PPARGC1A: variants seen among roughly 807,000 people sequenced by gnomAD.
PPARGC1A encodes the protein PPARG coactivator 1 alpha.
PPARGC1A carries 25 observed loss-of-function variants against 88.7 expected under a neutral mutation model. The observed-to-expected ratio is 0.28, with a 90% CI of 0.21 to 0.39. The LOEUF is 0.39. Among genes scored for constraint, PPARGC1A ranks in the 10% least tolerant of loss-of-function variants. The pLI is 1.00. For missense variants in PPARGC1A, 880 were observed against 968.7 expected (o/e 0.91, Z 1.22); for synonymous variants, 363 against 355.6 (o/e 1.02, Z -0.24).
the PPARGC1A span, among the ~76,000 whole-genome samples, chr4:24,085,858 T>A: frequency 1.6e-4 from 24 of 152,294 alleles, no homozygotes; most frequent in South Asian, 4.2e-3. Flanking sequence ...CTCAGTCTCA[T>A]GTAATAATTA....
the PPARGC1A span, among the ~76,000 whole-genome samples, chr4:24,283,011 G>T: frequency 6.6e-6 from 1 of 152,068 alleles, no homozygotes; most frequent in Non-Finnish European, 1.5e-5. Flanking sequence ...CAATAATACG[G>T]CAGTTACTTC....
chr4:24,132,226 C>T, the PPARGC1A span, among the ~76,000 whole-genome samples: 2 of 151,936 alleles, frequency 1.3e-5, no homozygotes, highest in Non-Finnish European at 2.9e-5. Flanking sequence ...AATTTATTCC[C>T]TATTCTTTAT....
chr4:24,121,323 A>T, the PPARGC1A span, among the ~76,000 whole-genome samples: 1 of 152,176 alleles, frequency 6.6e-6, no homozygotes, highest in East Asian at 1.9e-4. Flanking sequence ...GAACACCGCC[A>T]ACCCTGCCCT....
chr4:24,311,407 G>C, the PPARGC1A span, among the ~76,000 whole-genome samples: 2 of 149,720 alleles, frequency 1.3e-5, no homozygotes, highest in African/African-American at 4.9e-5. Context: ...GGTCTTGGCC[G>C]GGTGGATCAC....
intron 2 of PPARGC1A, among the ~76,000 whole-genome samples, chr4:23,859,766 G>A (rs1020689538): frequency 1.4e-5 from 2 of 146,272 alleles, no homozygotes; most frequent in African/African-American, 5.1e-5. Context: ...GGGAGAGAGT[G>A]CAAGACACCG....
the PPARGC1A span, among the ~76,000 whole-genome samples, chr4:24,205,332 A>G: frequency 6.6e-6 from 1 of 152,140 alleles, no homozygotes; most frequent in South Asian, 2.1e-4. Flanking sequence ...ATAAGAGCTC[A>G]ATATATACTT....
the PPARGC1A span, among the ~76,000 whole-genome samples, chr4:24,182,898 G>T: frequency 6.6e-6 from 1 of 152,158 alleles, no homozygotes; most frequent in Non-Finnish European, 1.5e-5. Context: ...AACACACCAG[G>T]CTGTCCTGCG....
chr4:24,306,423 A>C, the PPARGC1A span, among the ~76,000 whole-genome samples: 6 of 152,226 alleles, frequency 3.9e-5, no homozygotes, highest in Admixed American at 3.3e-4. Flanking sequence ...AGACAGAAGC[A>C]GATGACTAAA....
upstream of PPARGC1A, among the ~76,000 whole-genome samples, chr4:23,900,353 G>A (rs1182102093): frequency 3.9e-5 from 6 of 152,158 alleles, no homozygotes; most frequent in Non-Finnish European, 8.8e-5. Context: ...TGGACTTTGG[G>A]GTCAGACAAT....
At chr4:24,218,985 C>T in the PPARGC1A span, among the ~76,000 whole-genome samples, 48 of 152,344 alleles carry the variant, frequency 3.2e-4, no homozygotes, top group East Asian at 6.6e-3. Flanking sequence ...CCAGTACAAT[C>T]ACCAAGTACA....
chr4:23,948,301 T>A, the PPARGC1A span, among the ~76,000 whole-genome samples: 1 of 152,120 alleles, frequency 6.6e-6, no homozygotes, highest in Non-Finnish European at 1.5e-5. Flanking sequence ...ATATTAATTT[T>A]CTTCTATGTA....
the PPARGC1A span, among the ~76,000 whole-genome samples, chr4:24,437,328 G>A: frequency 6.6e-6 from 1 of 152,174 alleles, no homozygotes; most frequent in Non-Finnish European, 1.5e-5. Context: ...ACGTTAGCTG[G>A]GGTGGTCAGG....
chr4:24,251,590 T>C, the PPARGC1A span, among the ~76,000 whole-genome samples: 6 of 152,376 alleles, frequency 3.9e-5, no homozygotes, highest in Admixed American at 2.0e-4. Flanking sequence ...CAGACATTTA[T>C]TTTAATGACA....
chr4:24,367,883 C>A, the PPARGC1A span, among the ~76,000 whole-genome samples: 2 of 152,094 alleles, frequency 1.3e-5, no homozygotes, highest in African/African-American at 2.4e-5. Context: ...TAAACAGGGA[C>A]AATCGCTGCA....
At chr4:24,251,601 G>A in the PPARGC1A span, among the ~76,000 whole-genome samples, 1 of 152,180 alleles carries the variant, frequency 6.6e-6, no homozygotes, top group African/African-American at 2.4e-5. Context: ...TTTAATGACA[G>A]CCACTTGAGC....
intron 1 of PPARGC1A, chr4:23,888,842 G>A (rs971555483): frequency 2.8e-6 from 2 of 711,924 alleles, no homozygotes; most frequent in Non-Finnish European, 3.4e-6. Context: ...CTTACCCTAC[G>A]TGCCCCCAGC....
the PPARGC1A span, among the ~76,000 whole-genome samples, chr4:24,326,779 A>G: frequency 6.6e-6 from 1 of 152,210 alleles, no homozygotes; most frequent in Non-Finnish European, 1.5e-5. Context: ...CACAAGAGCC[A>G]GGACCGCACC....
the PPARGC1A span, among the ~76,000 whole-genome samples, chr4:24,022,775 G>A: frequency 9.8e-5 from 15 of 152,302 alleles, no homozygotes; most frequent in East Asian, 2.7e-3. Context: ...CTCAGGCCAC[G>A]TGTCCCTTTC....
the PPARGC1A span, among the ~76,000 whole-genome samples, chr4:24,178,424 G>A: frequency 2.1e-4 from 32 of 152,008 alleles, no homozygotes; most frequent in African/African-American, 7.5e-4. Flanking sequence ...ACATACATGG[G>A]GCTACACAGC....
Sources: allele counts gnomAD v4.1 joint callset (sites outside exome capture counted in the v4.1 genomes callset), GRCh38; gene constraint gnomAD v4.1.1; transcripts MANE v1.5; gene names NCBI Gene and HGNC (gene_info 2026-07-23, HGNC 2026-07-21).